The following TP53BP1 variants were observed in gnomAD, a reference collection of about 807,000 sequenced individuals.
TP53BP1 encodes tumor protein p53 binding protein 1.
Under a neutral mutation model 200.8 loss-of-function variants are expected in TP53BP1, and 61 were observed. That is an observed-to-expected ratio of 0.30 (90% confidence interval 0.25 to 0.38). TP53BP1 has a LOEUF of 0.38. Ranked by LOEUF, TP53BP1 falls within the 10% of genes least tolerant of loss-of-function variation. TP53BP1 has a pLI of 1.00. For synonymous variants in TP53BP1, 822 were observed against 844.3 expected, an observed-to-expected ratio of 0.97 and a Z score of 0.46; for missense variants, 2,144 against 2,371.9, an observed-to-expected ratio of 0.90 and a Z score of 2.00.
chr15:43,425,434 C>A (rs544257972), intron 18 of TP53BP1, among the ~76,000 whole-genome samples: 9 of 152,262 alleles, frequency 5.9e-5, no homozygotes, highest in Admixed American at 2.0e-4. Context: ...CCAGTCTGGG[C>A]AACACAGTGA....
At position 43,403,312 on chromosome 15, in the gene TP53BP1, C is replaced by T. The variant is rs1462209935; in HGVS notation, c.*4071G>A. The T allele has an allele frequency of 5.7e-5, 10 of 176,152 alleles. No homozygotes were observed. Among genetic ancestry groups the T allele is most frequent in the Middle Eastern group, 2.3e-3 (1 of 432 alleles). 10.9% of individuals were successfully genotyped at this position (176,152 alleles called of 1,614,324 possible). A position where few individuals can be genotyped will look rare whatever the true frequency, so the allele number is the denominator to read the frequency against. ...GGCTATAGTGGGGAAGGGAGTGCTT[C>T]ACTGAGAGAGTGGGACTTGAACTGG... On this transcript the variant is annotated 3_prime_UTR_variant, in exon 28 of 28. Coordinates refer to ENST00000382044, the MANE Select transcript of TP53BP1 (RefSeq NM_001141980.3).
At chr15:43,432,732 CGT>C (rs1478807332) in intron 16 of TP53BP1, 55 bp from the exon 17 acceptor site, 20 of 1,539,788 alleles carry the variant, frequency 1.3e-5, no homozygotes, top group African/African-American at 8.2e-5. Context: ...TATGTGTGAA[CGT>C]GTGTGTGTGC....
At chr15:43,510,463 G>A (rs1303423630) in exon 1 of TP53BP1, 1 of 153,200 alleles carries the variant, frequency 6.5e-6, no homozygotes, top group African/African-American at 2.4e-5. Flanking sequence ...CAGGGAAACC[G>A]AGGATGGAGA....
intron 11 of TP53BP1, among the ~76,000 whole-genome samples, chr15:43,460,759 T>C (rs910572294): frequency 1.3e-5 from 2 of 151,964 alleles, no homozygotes; most frequent in Admixed American, 1.3e-4. Flanking sequence ...GCAGTGGCTC[T>C]AACTTATAAT....
At chr15:43,439,608 T>C (rs2045880266) in intron 15 of TP53BP1, among the ~76,000 whole-genome samples, 1 of 152,238 alleles carries the variant, frequency 6.6e-6, no homozygotes, top group Admixed American at 6.5e-5. Flanking sequence ...TGACAGAGCT[T>C]ACTTTAGATG....
At chr15:43,491,827 C>A (rs2079127576) in intron 3 of TP53BP1, 74 bp from the exon 4 acceptor site, 2 of 1,276,220 alleles carry the variant, frequency 1.6e-6, no homozygotes, top group Non-Finnish European at 1.1e-6. Context: ...GGAATACAGA[C>A]AATACCAATC....
At chr15:43,407,634 G>C (rs2044952815) in intron 27 of TP53BP1, 64 bp from the exon 28 acceptor site, 4 of 1,482,074 alleles carry the variant, frequency 2.7e-6, no homozygotes, top group Non-Finnish European at 3.7e-6. Context: ...ATTAGAAAGA[G>C]AGATTTGATT....
At chr15:43,487,206 A>G (rs2140143570) in intron 4 of TP53BP1, among the ~76,000 whole-genome samples, 1 of 152,338 alleles carries the variant, frequency 6.6e-6, no homozygotes, top group East Asian at 1.9e-4. Context: ...AAGTAAGCAC[A>G]TGAAAAAATC....
chr15:43,408,620 A>ATATTT, intron 26 of TP53BP1: 2 of 427,046 alleles, frequency 4.7e-6, no homozygotes, highest in Non-Finnish European at 4.3e-6. Flanking sequence ...CTGAGCCTAT[A>ATATTT]TATTTTTAAT....
intron 19 of TP53BP1, 83 bp downstream of exon 19, chr15:43,421,772 T>C (rs756617220): frequency 4.0e-6 from 6 of 1,504,230 alleles, no homozygotes; most frequent in Non-Finnish European, 5.4e-6. Flanking sequence ...GGATTTCCCA[T>C]TACTCCCCTT....
chr15:43,448,689 T>G (rs933278169), intron 12 of TP53BP1, among the ~76,000 whole-genome samples: 2 of 151,682 alleles, frequency 1.3e-5, no homozygotes, highest in African/African-American at 4.8e-5. Context: ...ACAGGCGCCC[T>G]CCATCACGCC....
intron 15 of TP53BP1, among the ~76,000 whole-genome samples, chr15:43,440,286 C>A (rs1345830632): frequency 6.6e-6 from 1 of 151,880 alleles, no homozygotes; most frequent in South Asian, 2.1e-4. Context: ...GTCTTGCGGG[C>A]GGATCACGAG....
chr15:43,408,034 T>C lies in TP53BP1; in HGVS notation c.5655A>G (p.Gln1885=), dbSNP rs769046360. Residue 1885 remains glutamine, a synonymous_variant, in exon 27 of 28, where the codon CAA becomes CAG. Coordinates refer to ENST00000382044, the MANE Select transcript of TP53BP1 (RefSeq NM_001141980.3). ...QNLKVLLVSD[Q]QQNFLELWSE... is the part of the protein sequence containing the mutation. ...ACCAGAGCTCCAGGAAGTTCTGCTG[T>C]TGGTCTGATACCAAGAGTACCTTCA... The C allele has an allele frequency of 1.2e-5, 19 of 1,614,048 alleles. No individual in the cohort carries two copies. Among genetic ancestry groups the C allele is most frequent in the Non-Finnish European group, 1.6e-5 (19 of 1,180,018 alleles).
intron 12 of TP53BP1, 104 bp from the exon 13 acceptor site, chr15:43,447,589 A>G (rs2046073756): frequency 3.6e-6 from 4 of 1,126,542 alleles, no homozygotes; most frequent in Non-Finnish European, 4.8e-6. Context: ...GAAATATTTC[A>G]ATCACTCTTT....
At chr15:43,464,347 TTCTG>T (rs1392867348) in intron 11 of TP53BP1, among the ~76,000 whole-genome samples, 1 of 152,172 alleles carries the variant, frequency 6.6e-6, no homozygotes, top group African/African-American at 2.4e-5. Context: ...TAAAAATATA[TTCTG>T]AAAAAAGAAT....
upstream of TP53BP1, among the ~76,000 whole-genome samples, chr15:43,496,764 C>T (rs1205005628): frequency 2.0e-5 from 3 of 151,910 alleles, no homozygotes; most frequent in Non-Finnish European, 4.4e-5. Context: ...GCTAGGATTA[C>T]AGGCATGTGC....
At chr15:43,460,088 GTAAAA>G (rs2046394872) in intron 11 of TP53BP1, among the ~76,000 whole-genome samples, 1 of 151,946 alleles carries the variant, frequency 6.6e-6, no homozygotes, top group Non-Finnish European at 1.5e-5. Flanking sequence ...AAACATACAC[GTAAAA>G]TAATTTTATT....
At chr15:43,451,463 C>T (rs1230503374) in intron 12 of TP53BP1, among the ~76,000 whole-genome samples, 1 of 151,908 alleles carries the variant, frequency 6.6e-6, no homozygotes, top group Non-Finnish European at 1.5e-5. Flanking sequence ...CGATAGTTTA[C>T]TGAGAATGAT....
chr15:43,448,205 A>C (rs1011514968), intron 12 of TP53BP1, among the ~76,000 whole-genome samples: 10 of 152,344 alleles, frequency 6.6e-5, no homozygotes, highest in Middle Eastern at 3.4e-3. Flanking sequence ...ATTTGTCAAG[A>C]CATAAAGCTA....
Sources: allele counts gnomAD v4.1 joint callset (sites outside exome capture counted in the v4.1 genomes callset), GRCh38; gene constraint gnomAD v4.1.1; transcripts MANE v1.5; gene names NCBI Gene and HGNC (gene_info 2026-07-23, HGNC 2026-07-21).